The following SLC2A5 variants were observed in gnomAD, a reference collection of about 807,000 sequenced individuals.
SLC2A5 encodes the protein solute carrier family 2, facilitated glucose transporter member 5.
SLC2A5 carries 56 observed loss-of-function variants against 50.3 expected under a neutral mutation model. The observed-to-expected ratio is 1.11, with a 90% CI of 0.90 to 1.39. The LOEUF (loss-of-function observed/expected upper bound fraction) is 1.39, where lower values mean the gene tolerates loss of function less well. SLC2A5 is among the 40% of genes most tolerant of loss of function. The pLI, the probability that SLC2A5 is intolerant of heterozygous loss-of-function variation, is 0.00. For missense variants in SLC2A5, 566 were observed against 650.1 expected (o/e 0.87, Z 1.41); for synonymous variants, 269 against 281.9 (o/e 0.95, Z 0.46).
At chr1:9,054,065 A>G (rs963934436) in intron 3 of SLC2A5, among the ~76,000 whole-genome samples, 1 of 152,138 alleles carries the variant, frequency 6.6e-6, no homozygotes. Flanking sequence ...AGGAAGGTAG[A>G]CCTGCAGAAA....
intron 7 of SLC2A5, 43 bp from the exon 8 acceptor site, chr1:9,039,705 G>T: frequency 1.1e-5 from 16 of 1,458,380 alleles, no homozygotes; most frequent in Non-Finnish European, 1.5e-5. Flanking sequence ...CGGAGGAGGC[G>T]GCCTCGGCGC....
chr1:9,081,234 C>T (rs756148939), intron 2 of SLC2A5, among the ~76,000 whole-genome samples: 8 of 128,446 alleles, frequency 6.2e-5, no homozygotes, highest in Non-Finnish European at 9.6e-5. Flanking sequence ...CACTCCAGGC[C>T]GGGAAACAGC....
rs201560362 is a variant in SLC2A5 at position 9,041,767 on chromosome 1, G to T, written c.571+18C>A. On this transcript the variant is annotated intron_variant, in intron 5 of 11. Transcript: ENST00000377424. ...GTGGTGAAGGGGTGGGGGTGCTCCC[G>T]AGATGTCCTGAACTCACCATCTACG... is the stretch of plus-strand genomic sequence containing the variant. The T allele has an allele frequency of 1.2e-6, 2 of 1,614,038 alleles. No individual in the cohort carries two copies. The highest frequency in any genetic ancestry group is 8.5e-7 in the Non-Finnish European group (1 of 1,179,994).
upstream of SLC2A5, among the ~76,000 whole-genome samples, chr1:9,070,073 T>TTTTTTTTTG: frequency 1.4e-5 from 1 of 70,538 alleles, no homozygotes; most frequent in African/African-American, 1.5e-4. Flanking sequence ...TCATTTTCTG[T>TTTTTTTTTG]TTTTTTTTTT....
intron 5 of SLC2A5, 122 bp downstream of exon 5, chr1:9,041,663 G>A (rs1395174310): frequency 1.3e-6 from 2 of 1,561,666 alleles, no homozygotes. Flanking sequence ...AGGACATCCA[G>A]CCTGTTAGAA....
chr1:9,083,607 G>A (rs926464493), intron 2 of SLC2A5, among the ~76,000 whole-genome samples: 4 of 152,062 alleles, frequency 2.6e-5, no homozygotes, highest in African/African-American at 7.2e-5. Context: ...CAGATCACCC[G>A]AGGTCAGGAG....
At chr1:9,065,678 A>T (rs1642062592) in intron 1 of SLC2A5, among the ~76,000 whole-genome samples, 1 of 152,022 alleles carries the variant, frequency 6.6e-6, no homozygotes, top group South Asian at 2.1e-4. Context: ...CAACTCCCTG[A>T]GCTTCTCAGT....
intron 4 of SLC2A5, among the ~76,000 whole-genome samples, chr1:9,043,815 A>T (rs1462817481): frequency 1.3e-5 from 2 of 149,894 alleles, no homozygotes; most frequent in Non-Finnish European, 3.0e-5. Flanking sequence ...TCTGCCTCCC[A>T]GGTTCAAGTG....
chr1:9,038,165 G>T lies in SLC2A5; in HGVS notation c.1175-141C>A, dbSNP rs1323109195. 3.0e-6 allele frequency: 3 copies of T among 996,394 alleles called. No homozygotes were observed. The African/African-American group carries it at 4.9e-5, about 16-fold the overall frequency. 61.7% of individuals were successfully genotyped at this position (996,394 alleles called of 1,614,324 possible). A position where few individuals can be genotyped will look rare whatever the true frequency, so the allele number is the denominator to read the frequency against. The stretch of plus-strand genomic sequence containing the variant: ...TGGGCATGTGGGGCAGCACGTAGGG[G>T]GCAAACGGCAGTGTACAGGGATGGC... On this transcript the variant is annotated intron_variant, in intron 10 of 11. Coordinates refer to ENST00000377424, the MANE Select transcript of SLC2A5 (RefSeq NM_003039.3).
chr1:9,091,917 G>C (rs1400740146), upstream of SLC2A5, among the ~76,000 whole-genome samples: 1 of 152,010 alleles, frequency 6.6e-6, no homozygotes, highest in Non-Finnish European at 1.5e-5. Context: ...AAGAGCACTA[G>C]CTCTAGCAAA....
At chr1:9,053,333 T>TA (rs1303921098) in intron 3 of SLC2A5, among the ~76,000 whole-genome samples, 2 of 73,712 alleles carry the variant, frequency 2.7e-5, no homozygotes, top group African/African-American at 5.5e-5. Context: ...ATATTATATA[T>TA]TTATATACTA....
upstream of SLC2A5, among the ~76,000 whole-genome samples, chr1:9,090,502 A>AAAAAC (rs1429895938): frequency 6.6e-6 from 1 of 152,198 alleles, no homozygotes; most frequent in Admixed American, 6.5e-5. Context: ...CTCCCAATTA[A>AAAAAC]AAAACAGGAT....
At chr1:9,039,777 C>T in intron 7 of SLC2A5, 23 bp downstream of exon 7, 1 of 1,495,592 alleles carries the variant, frequency 6.7e-7, no homozygotes, top group South Asian at 1.3e-5. Context: ...TCCCCAGCTC[C>T]CGAGCCGCAG....
In SLC2A5 at chr1:9,037,583, G is replaced by C; in HGVS notation, c.*3C>G. 1 of 1,613,176 alleles carries C rather than the reference G, an allele frequency of 6.2e-7. No homozygotes were observed. The highest frequency in any genetic ancestry group is 8.5e-7 in the Non-Finnish European group (1 of 1,179,344). ...ACCAGCTCCACTGGCTTCCTCTCCA[G>C]AGTCACTGTTCCGAAGTGACAGGTG... On this transcript the variant is annotated 3_prime_UTR_variant, in exon 12 of 12. Transcript: ENST00000377424.
At chr1:9,079,190 T>A (rs1642326336) in intron 2 of SLC2A5, among the ~76,000 whole-genome samples, 1 of 152,180 alleles carries the variant, frequency 6.6e-6, no homozygotes, top group African/African-American at 2.4e-5. Context: ...CTGTCCTCAC[T>A]TGAGCTCCCT....
chr1:9,084,480 T>G (rs1642384833), intron 2 of SLC2A5, among the ~76,000 whole-genome samples: 1 of 152,260 alleles, frequency 6.6e-6, no homozygotes, highest in Non-Finnish European at 1.5e-5. Flanking sequence ...GGACACTGCC[T>G]GCGGTTAAGG....
upstream of SLC2A5, among the ~76,000 whole-genome samples, chr1:9,074,186 G>A (rs1642256510): frequency 1.3e-5 from 2 of 152,094 alleles, no homozygotes; most frequent in Admixed American, 1.3e-4. Flanking sequence ...GCGGAGGGGG[G>A]CAAGCATTCT....
At position 9,057,606 on chromosome 1, in the gene SLC2A5, G is replaced by GAGCT; in HGVS notation, c.133-2_134dup (p.Met46AlafsTer8). ...AAGTCTCATTGTAAAATTGTTGCAT[G>GAGCT]AGCTAGGAGACAAAGCAAAACAGAA... On this transcript the variant is annotated frameshift_variant and splice_region_variant, in exon 3 of 12. Transcript: ENST00000377424. LOFTEE classifies it high-confidence loss of function. 6.2e-7 allele frequency: 1 copy of GAGCT among 1,611,238 alleles called. No individual in the cohort carries two copies. Among genetic ancestry groups the GAGCT allele is most frequent in the Non-Finnish European group, 8.5e-7 (1 of 1,179,116 alleles).
intron 7 of SLC2A5, 57 bp from the exon 8 acceptor site, chr1:9,039,719 G>A (rs1641244482): frequency 6.9e-7 from 1 of 1,439,668 alleles, no homozygotes; most frequent in South Asian, 1.4e-5. Flanking sequence ...TCGGCGCCAG[G>A]ACCCACGCCC....
Sources: gnomAD v4.1 joint callset for allele counts (sites outside exome capture counted in the v4.1 genomes callset) on GRCh38, gnomAD v4.1.1 for gene constraint, MANE v1.5 for transcripts, NCBI Gene and HGNC (gene_info 2026-07-23, HGNC 2026-07-21) for gene names.